KCNG3: variants seen among roughly 807,000 people sequenced by gnomAD.
The protein encoded by KCNG3 is voltage-gated potassium channel regulatory subunit KCNG3.
Under a neutral mutation model 29.0 loss-of-function variants are expected in KCNG3, and 15 were observed. The observed-to-expected ratio is 0.52, with a 90% CI of 0.35 to 0.80. The LOEUF is 0.80. KCNG3 is among the 30% of genes least tolerant of loss of function. The probability of loss-of-function intolerance (pLI) is 0.01; values close to 1 mark genes in which losing one functional copy is unlikely to be tolerated. For synonymous variants in KCNG3, 322 were observed against 248.9 expected, an observed-to-expected ratio of 1.29 and a Z score of -2.76; for missense variants, 512 against 605.7, an observed-to-expected ratio of 0.85 and a Z score of 1.62.
the KCNG3 span, among the ~76,000 whole-genome samples, chr2:42,431,036 G>A: frequency 2.0e-5 from 3 of 150,608 alleles, no homozygotes; most frequent in African/African-American, 7.3e-5. Flanking sequence ...AACCCAGGAG[G>A]CAGAGGTTGC....
At chr2:42,475,927 G>A (rs1166740194) in intron 1 of KCNG3, among the ~76,000 whole-genome samples, 1 of 152,032 alleles carries the variant, frequency 6.6e-6, no homozygotes. Context: ...TTAGCCAGGA[G>A]TGGTGGCACA....
downstream of KCNG3, chr2:42,440,321 G>C (rs1672444595): frequency 6.6e-6 from 1 of 152,128 alleles, no homozygotes; most frequent in Non-Finnish European, 1.5e-5. Context: ...ATTAAGTTTG[G>C]AGTTACACAG....
the KCNG3 span, among the ~76,000 whole-genome samples, chr2:42,435,972 A>G: frequency 6.6e-6 from 1 of 152,242 alleles, no homozygotes; most frequent in Non-Finnish European, 1.5e-5. Flanking sequence ...AACAGTCAAA[A>G]AGTAGAAACA....
At chr2:42,421,460 C>T in the KCNG3 span, among the ~76,000 whole-genome samples, 2 of 152,038 alleles carry the variant, frequency 1.3e-5, no homozygotes, top group Non-Finnish European at 2.9e-5. Flanking sequence ...AGAGCAGGAT[C>T]GTGGAAATAG....
At chr2:42,446,354 T>C (rs571264939) in intron 1 of KCNG3, among the ~76,000 whole-genome samples, 4 of 151,798 alleles carry the variant, frequency 2.6e-5, no homozygotes, top group Admixed American at 1.3e-4. Context: ...TTTTTTTATA[T>C]TTTGAGTAGA....
At position 42,492,849 on chromosome 2, in the gene KCNG3, C is replaced by T; in HGVS notation, c.653G>A (p.Arg218Lys). ...DRSRYSAGPG[R>K]EPSGIIEAIC... is the part of the protein sequence containing the mutation. ...CAGTGCGTCCTACCCGGAGGGCTCCCTCCCAGGGCCGGCGGAGTACCTGCT... is the reference window on the plus strand; with the variant it reads ...CAGTGCGTCCTACCCGGAGGGCTCCTTCCCAGGGCCGGCGGAGTACCTGCT... The change falls in exon 1 of 2, where the codon AGG becomes AAG. Residue 218 changes from arginine (R) to lysine (K), a missense_variant. Arg to Lys is a conservative substitution (Grantham distance 26). Transcript: ENST00000306078. 2 of 1,501,730 alleles carry T rather than the reference C, an allele frequency of 1.3e-6. No individual in the cohort carries two copies. The highest frequency in any genetic ancestry group is 8.9e-7 in the Non-Finnish European group (1 of 1,129,502). The allele number at this position is 1,501,730 out of a possible 1,614,324, so 93.0% of individuals were successfully genotyped here.
chr2:42,441,075 T>C (rs144796093), downstream of KCNG3, among the ~76,000 whole-genome samples: 24 of 152,258 alleles, frequency 1.6e-4, no homozygotes, highest in Admixed American at 1.3e-4. Context: ...TGATACTTAA[T>C]GGTTTTTTAA....
chr2:42,399,143 A>T, the KCNG3 span, among the ~76,000 whole-genome samples: 1 of 136,826 alleles, frequency 7.3e-6, no homozygotes, highest in Non-Finnish European at 1.5e-5. Context: ...TGCAGCCTTG[A>T]CCTCCTGGGC....
At chr2:42,407,637 G>C in the KCNG3 span, among the ~76,000 whole-genome samples, 1 of 152,066 alleles carries the variant, frequency 6.6e-6, no homozygotes. Flanking sequence ...CCCCGCTTGG[G>C]GGGCAGCTGC....
intron 1 of KCNG3, among the ~76,000 whole-genome samples, chr2:42,488,783 C>G (rs1385159831): frequency 6.6e-6 from 1 of 152,040 alleles, no homozygotes; most frequent in Non-Finnish European, 1.5e-5. Flanking sequence ...CTCCTGACCT[C>G]AGGTGATCCG....
At position 42,481,785 on chromosome 2, in the gene KCNG3, C is replaced by T. The variant is rs545927848; in HGVS notation, c.665+11052G>A. Reference sequence around the variant, plus strand: ...TGCTTCCTCTTCTCTATGCTTAAAACTCTTTCACCCAGCTATCTTCCCAGG... The same window carrying T: ...TGCTTCCTCTTCTCTATGCTTAAAATTCTTTCACCCAGCTATCTTCCCAGG... On this transcript the variant is annotated intron_variant, in intron 1 of 1. Transcript: ENST00000306078. Among the ~76,000 whole-genome samples the T allele has an allele frequency of 7.9e-5, 12 of 152,234 alleles. No homozygotes were observed. In the East Asian group the frequency reaches 2.3e-3, roughly 29 times the overall value.
At chr2:42,408,640 T>C in the KCNG3 span, among the ~76,000 whole-genome samples, 464 of 152,292 alleles carry the variant, frequency 3.0e-3, 1 homozygote, top group Admixed American at 6.1e-3. Flanking sequence ...TGAGCTGTTC[T>C]AGTGCTCAAT....
At chr2:42,447,083 CAA>C (rs201848467) in intron 1 of KCNG3, among the ~76,000 whole-genome samples, 4 of 113,788 alleles carry the variant, frequency 3.5e-5, no homozygotes, top group Admixed American at 8.2e-5. Context: ...AAACCTGCCT[CAA>C]AAAAAAAAAG....
chr2:42,457,515 G>C (rs1338665677), intron 1 of KCNG3, among the ~76,000 whole-genome samples: 1 of 151,352 alleles, frequency 6.6e-6, no homozygotes, highest in African/African-American at 2.4e-5. Context: ...GAAGTAACTA[G>C]ATCATGTCAC....
downstream of KCNG3, among the ~76,000 whole-genome samples, chr2:42,439,177 CCTT>C (rs1423599231): frequency 1.3e-5 from 2 of 151,978 alleles, no homozygotes; most frequent in East Asian, 3.9e-4. Flanking sequence ...CTCAAGCCCT[CCTT>C]CTTGACATCT....
the KCNG3 span, among the ~76,000 whole-genome samples, chr2:42,414,553 CT>C: frequency 4.3e-3 from 605 of 141,396 alleles, 1 homozygote; most frequent in Admixed American, 6.2e-3. Flanking sequence ...ACTTTCTTTT[CT>C]TTTTTTTTTT....
At chr2:42,475,323 CTTTTTTT>C (rs11365655) in intron 1 of KCNG3, among the ~76,000 whole-genome samples, 2 of 104,710 alleles carry the variant, frequency 1.9e-5, no homozygotes, top group Non-Finnish European at 2.0e-5. Context: ...GCCTCTGTCT[CTTTTTTT>C]TTTTTTTTTT....
intron 1 of KCNG3, among the ~76,000 whole-genome samples, chr2:42,478,389 T>A (rs1449342747): frequency 1.3e-5 from 2 of 151,842 alleles, no homozygotes; most frequent in African/African-American, 4.8e-5. Flanking sequence ...CACGTCACCA[T>A]GCCTAGCTAA....
At chr2:42,396,854 G>T in the KCNG3 span, among the ~76,000 whole-genome samples, 19 of 152,078 alleles carry the variant, frequency 1.2e-4, no homozygotes, top group Admixed American at 3.9e-4. Flanking sequence ...CAAGTCACTC[G>T]TTGGGGCATG....
Sources: allele counts gnomAD v4.1 joint callset (sites outside exome capture counted in the v4.1 genomes callset), GRCh38; gene constraint gnomAD v4.1.1; transcripts MANE v1.5; gene names NCBI Gene and HGNC (gene_info 2026-07-23, HGNC 2026-07-21).